The following HDAC4 variants were observed in gnomAD, a reference collection of about 807,000 sequenced individuals.
The protein encoded by HDAC4 is histone deacetylase A.
In HDAC4, 16 loss-of-function variants were observed where a neutral mutation model predicts 135.1. The ratio of observed to expected loss-of-function variants is 0.12; its 90% confidence interval spans 0.08 to 0.18. The LOEUF is 0.18. HDAC4 is among the 10% of genes least tolerant of loss of function. The pLI is 1.00. For synonymous variants in HDAC4, 685 were observed against 653.4 expected (o/e 1.05, Z -0.74); for missense variants, 1,143 against 1,511.8 (o/e 0.76, Z 4.05).
At chr2:239,215,446 C>T (rs985732250) in intron 3 of HDAC4, among the ~76,000 whole-genome samples, 1 of 152,020 alleles carries the variant, frequency 6.6e-6, no homozygotes, top group East Asian at 1.9e-4. Context: ...GCCAAAGTGC[C>T]CTCCCTCATC....
intron 18 of HDAC4, among the ~76,000 whole-genome samples, chr2:239,088,913 G>C (rs1482718096): frequency 6.6e-6 from 1 of 152,168 alleles, no homozygotes; most frequent in African/African-American, 2.4e-5. Flanking sequence ...GTATGGGTCA[G>C]AATATGGAAG....
At chr2:239,357,149 G>A (rs945261749) in intron 1 of HDAC4, among the ~76,000 whole-genome samples, 8 of 152,066 alleles carry the variant, frequency 5.3e-5, no homozygotes, top group South Asian at 4.1e-4. Context: ...AACCAGTCTC[G>A]AATTCAAAAG....
Position 239,349,750 on chromosome 2 carries a change from A to G in HDAC4, c.22+2928T>C, listed in dbSNP as rs1043649948. 6.6e-6 allele frequency among the ~76,000 whole-genome samples: 1 copy of G among 152,240 alleles called. No homozygotes were observed. Among genetic ancestry groups the G allele is most frequent in the African/African-American group, 2.4e-5 (1 of 41,464 alleles). On this transcript the variant is annotated intron_variant, in intron 2 of 26. Coordinates refer to ENST00000543185, the MANE Select transcript of HDAC4 (RefSeq NM_001378414.1). This position sits in a 1 kb window ranked among gnomAD's most constrained non-coding sequence, Gnocchi z 5.7. ...GGGCGGAAGGGCAGACACGGCAGGG[A>G]AAGATGACAGCGGACAGGGCAGAGG...
At chr2:239,152,093 C>G (rs937459528) in intron 7 of HDAC4, among the ~76,000 whole-genome samples, 1 of 152,202 alleles carries the variant, frequency 6.6e-6, no homozygotes, top group Non-Finnish European at 1.5e-5. Context: ...TTAAGAAGAT[C>G]ACGATGAAGA....
At chr2:239,304,676 T>A (rs2052471617) in intron 2 of HDAC4, among the ~76,000 whole-genome samples, 1 of 152,166 alleles carries the variant, frequency 6.6e-6, no homozygotes, top group South Asian at 2.1e-4. Flanking sequence ...CCTCGGCTCC[T>A]GGGGTCAGGA....
intron 2 of HDAC4, among the ~76,000 whole-genome samples, chr2:239,304,146 G>T (rs2052437182): frequency 6.6e-6 from 1 of 152,214 alleles, no homozygotes; most frequent in African/African-American, 2.4e-5. Context: ...ACCTATAAAT[G>T]AGGATAAAAG....
Position 239,229,015 on chromosome 2 carries a change from G to A in HDAC4, c.94+7578C>T, listed in dbSNP as rs575335867. On this transcript the variant is annotated intron_variant, in intron 3 of 26. Coordinates refer to ENST00000543185, the MANE Select transcript of HDAC4 (RefSeq NM_001378414.1). ...AAACTAGCCGGGCGTGGTGGCGGGC[G>A]CCTGTAATCCCAGCTATTCAGGAGG... is the stretch of plus-strand genomic sequence containing the variant. Among the ~76,000 whole-genome samples, 205 of 152,150 alleles carry A rather than the reference G, an allele frequency of 1.3e-3. 1 individual carries two copies. The highest frequency in any genetic ancestry group is 4.7e-3 in the African/African-American group (196 of 41,508).
chr2:239,128,392 G>A (rs2040341619), intron 11 of HDAC4, among the ~76,000 whole-genome samples: 1 of 152,182 alleles, frequency 6.6e-6, no homozygotes, highest in East Asian at 1.9e-4. Context: ...AGCCATGTAT[G>A]GTGGCACATG....
chr2:239,319,996 T>A (rs1196824172), intron 2 of HDAC4, among the ~76,000 whole-genome samples: 1 of 151,468 alleles, frequency 6.6e-6, no homozygotes, highest in East Asian at 2.0e-4. Context: ...TTGCTTTAAA[T>A]GATGCAGATA....
intron 2 of HDAC4, among the ~76,000 whole-genome samples, chr2:239,310,868 T>A (rs1290444763): frequency 6.6e-6 from 1 of 152,214 alleles, no homozygotes; most frequent in African/African-American, 2.4e-5. Flanking sequence ...CCTGGATCTC[T>A]GCTGCCCTGT....
intron 2 of HDAC4, among the ~76,000 whole-genome samples, chr2:239,266,292 A>C (rs2049723896): frequency 6.6e-6 from 1 of 152,100 alleles, no homozygotes; most frequent in Non-Finnish European, 1.5e-5. Context: ...ATAGGCCGGG[A>C]CCCTGGTCCC....
rs761012368 is a variant in HDAC4 at position 239,084,171 on chromosome 2, A to G, written c.2516T>C (p.Ile839Thr). 19 of 1,613,166 alleles carry G rather than the reference A, an allele frequency of 1.2e-5. No homozygotes were observed. The highest frequency in any genetic ancestry group is 1.0e-4 in the Admixed American group (6 of 59,962). Reference protein sequence around the residue: ...LLQQRLSVSKILIVDWDVHHG... With the variant: ...LLQQRLSVSKTLIVDWDVHHG... Reference sequence around the variant, plus strand: ...TCTGCTTACCCAGTCCACGATGAGGATCTTGCTCACGCTCAACCTCTGCTG... The same window carrying G: ...TCTGCTTACCCAGTCCACGATGAGGGTCTTGCTCACGCTCAACCTCTGCTG... Residue 839 changes from isoleucine (I) to threonine (T), a missense_variant, in exon 20 of 27, where the codon ATC becomes ACC. Transcript: ENST00000543185.
intron 1 of HDAC4, among the ~76,000 whole-genome samples, chr2:239,388,125 A>T (rs1431187699): frequency 3.3e-5 from 5 of 152,128 alleles, no homozygotes; most frequent in African/African-American, 1.2e-4. Context: ...GGAGGCAGCG[A>T]GTTCATTCAC....
At chr2:239,073,768 G>A (rs1188863060) in intron 22 of HDAC4, among the ~76,000 whole-genome samples, 3 of 152,266 alleles carry the variant, frequency 2.0e-5, no homozygotes, top group African/African-American at 4.8e-5. Flanking sequence ...CACTCCCGCC[G>A]CAGGGCTGGG....
At chr2:239,259,215 G>C (rs1465944804) in intron 2 of HDAC4, among the ~76,000 whole-genome samples, 1 of 152,252 alleles carries the variant, frequency 6.6e-6, no homozygotes, top group Non-Finnish European at 1.5e-5. Context: ...TTGGGAGGCT[G>C]AGGTGGGCTG....
chr2:239,228,745 G>A (rs985550622), intron 3 of HDAC4, among the ~76,000 whole-genome samples: 4 of 152,118 alleles, frequency 2.6e-5, no homozygotes, highest in African/African-American at 7.2e-5. Flanking sequence ...TTCAGCCATC[G>A]AAGGGGAATT....
chr2:239,253,691 G>A (rs550007818), intron 2 of HDAC4, among the ~76,000 whole-genome samples: 5 of 152,226 alleles, frequency 3.3e-5, no homozygotes, highest in Admixed American at 2.6e-4. Context: ...ATAAAATCTC[G>A]CCCTAATATT....
chr2:239,150,498 A>T (rs932640355), intron 7 of HDAC4, among the ~76,000 whole-genome samples: 2 of 151,904 alleles, frequency 1.3e-5, no homozygotes, highest in Admixed American at 6.6e-5. Flanking sequence ...ACACACACAG[A>T]TATACACACA....
chr2:239,242,171 A>T (rs369680313), intron 2 of HDAC4, among the ~76,000 whole-genome samples: 3 of 147,456 alleles, frequency 2.0e-5, no homozygotes, highest in African/African-American at 7.4e-5. Flanking sequence ...AGAAAAGAGA[A>T]AGAAAGAGAG....
Sources: allele counts gnomAD v4.1 joint callset (sites outside exome capture counted in the v4.1 genomes callset), GRCh38; gene constraint gnomAD v4.1.1; non-coding constraint Gnocchi (gnomAD v3.1); transcripts MANE v1.5; gene names NCBI Gene and HGNC (gene_info 2026-07-23, HGNC 2026-07-21).